The following TCERG1L variants were observed in gnomAD, a reference collection of about 807,000 sequenced individuals.
TCERG1L encodes the protein transcription elongation regulator 1 like.
In TCERG1L, 37 loss-of-function variants were observed where a neutral mutation model predicts 56.3. The observed-to-expected ratio is 0.66, with a 90% CI of 0.51 to 0.87. TCERG1L has a LOEUF of 0.87. Ranked by LOEUF, TCERG1L falls within the 40% of genes least tolerant of loss-of-function variation. The pLI is 0.00. For missense variants in TCERG1L, 799 were observed against 774.2 expected (o/e 1.03, Z -0.38); for synonymous variants, 324 against 326.3 (o/e 0.99, Z 0.08).
At chr10:131,106,276 G>A (rs760910215) in intron 9 of TCERG1L, among the ~76,000 whole-genome samples, 12 of 152,328 alleles carry the variant, frequency 7.9e-5, no homozygotes, top group South Asian at 2.1e-4. Context: ...AGGTAGTGCC[G>A]GTCTAGGAGC....
intron 3 of TCERG1L, among the ~76,000 whole-genome samples, chr10:131,290,353 C>A (rs559631682): frequency 6.6e-6 from 1 of 152,104 alleles, no homozygotes; most frequent in Admixed American, 6.5e-5. Context: ...AACATTAGGC[C>A]GGGCATGGTG....
At chr10:131,288,975 T>G (rs893790024) in intron 3 of TCERG1L, among the ~76,000 whole-genome samples, 9 of 152,246 alleles carry the variant, frequency 5.9e-5, no homozygotes, top group African/African-American at 2.2e-4. Flanking sequence ...TGTGGAATGT[T>G]GTTACCGCAG....
At chr10:131,153,142 A>G (rs1386697076) in intron 6 of TCERG1L, among the ~76,000 whole-genome samples, 2 of 152,148 alleles carry the variant, frequency 1.3e-5, no homozygotes, top group African/African-American at 2.4e-5. Context: ...CAGAGTTGAG[A>G]GTCCCACAGA....
chr10:131,121,142 C>T (rs531344931), intron 8 of TCERG1L, among the ~76,000 whole-genome samples: 6 of 152,148 alleles, frequency 3.9e-5, no homozygotes, highest in Non-Finnish European at 8.8e-5. Flanking sequence ...CAAGACAGAA[C>T]ATGAGCAGGG....
chr10:131,260,524 A>G lies in TCERG1L; in HGVS notation c.671-80T>C. The stretch of plus-strand genomic sequence containing the variant: ...CAGATGCCCATCTCGCTACCGCAAG[A>G]TATCAGCCCCCAGAAAACAGGTGAG... On this transcript the variant is annotated intron_variant, in intron 3 of 11. Transcript: ENST00000368642. This position sits in a 1 kb window ranked among gnomAD's most constrained non-coding sequence, Gnocchi z 5.8. The G allele has an allele frequency of 3.1e-6, 4 of 1,308,958 alleles. No individual in the cohort carries two copies. Among genetic ancestry groups the G allele is most frequent in the Middle Eastern group, 2.6e-4 (1 of 3,800 alleles). The allele number at this position is 1,308,958 out of a possible 1,614,324, so 81.1% of individuals were successfully genotyped here. A position where few individuals can be genotyped will look rare whatever the true frequency, so the allele number is the denominator to read the frequency against.
intron 3 of TCERG1L, among the ~76,000 whole-genome samples, chr10:131,283,838 T>A (rs1846490788): frequency 6.6e-6 from 1 of 151,792 alleles, no homozygotes; most frequent in Non-Finnish European, 1.5e-5. Flanking sequence ...AGATAAACAG[T>A]ATAAAAGAAA....
At chr10:131,236,833 C>T (rs950770574) in intron 4 of TCERG1L, among the ~76,000 whole-genome samples, 1 of 152,100 alleles carries the variant, frequency 6.6e-6, no homozygotes, top group African/African-American at 2.4e-5. Flanking sequence ...ATCCAGCCTT[C>T]ATCTAGTCTA....
chr10:131,154,944 A>G (rs1845903920), intron 6 of TCERG1L, among the ~76,000 whole-genome samples: 2 of 152,116 alleles, frequency 1.3e-5, no homozygotes, highest in Non-Finnish European at 2.9e-5. Flanking sequence ...TCATAAATCG[A>G]TAGGGCTAGT....
At chr10:131,108,836 G>T (rs11017725) in intron 9 of TCERG1L, among the ~76,000 whole-genome samples, 1 of 152,108 alleles carries the variant, frequency 6.6e-6, no homozygotes, top group Non-Finnish European at 1.5e-5. Context: ...GTGGTTGCAG[G>T]GCTGAAGTTT....
At chr10:131,297,403 AAAAAAAT>A (rs1387067072) in intron 3 of TCERG1L, among the ~76,000 whole-genome samples, 2 of 152,182 alleles carry the variant, frequency 1.3e-5, no homozygotes, top group East Asian at 1.9e-4. Flanking sequence ...ATTGGATTTC[AAAAAAAT>A]AAAAAATAAA....
At chr10:131,217,883 G>A (rs1321977511) in intron 4 of TCERG1L, among the ~76,000 whole-genome samples, 4 of 152,042 alleles carry the variant, frequency 2.6e-5, no homozygotes, top group South Asian at 2.1e-4. Flanking sequence ...CACCACGCCC[G>A]GCTAATTTTT....
intron 8 of TCERG1L, among the ~76,000 whole-genome samples, chr10:131,129,962 C>T (rs1270482299): frequency 6.6e-6 from 1 of 152,074 alleles, no homozygotes; most frequent in East Asian, 1.9e-4. Flanking sequence ...AGAACTCATG[C>T]ACTATCATGA....
At chr10:131,152,425 C>G (rs1233289548) in intron 6 of TCERG1L, among the ~76,000 whole-genome samples, 2 of 152,194 alleles carry the variant, frequency 1.3e-5, no homozygotes, top group African/African-American at 4.8e-5. Context: ...CATCTGAGAC[C>G]ACCTCAGCCT....
intron 3 of TCERG1L, among the ~76,000 whole-genome samples, chr10:131,262,592 T>C (rs1016342691): frequency 4.6e-5 from 7 of 152,198 alleles, no homozygotes; most frequent in Admixed American, 2.0e-4. Context: ...CCCCTCATTG[T>C]GAATATTTGG....
At chr10:131,164,741 C>G (rs1359684185) in intron 5 of TCERG1L, among the ~76,000 whole-genome samples, 1 of 152,160 alleles carries the variant, frequency 6.6e-6, no homozygotes, top group Non-Finnish European at 1.5e-5. Flanking sequence ...TGAAAGTCAT[C>G]CTAAAATTTT....
At chr10:131,094,133 C>T (rs552230075) in intron 11 of TCERG1L, among the ~76,000 whole-genome samples, 28 of 152,352 alleles carry the variant, frequency 1.8e-4, no homozygotes, top group Admixed American at 1.0e-3. Context: ...AACTGACCTT[C>T]GCAGGCACCG....
intron 4 of TCERG1L, among the ~76,000 whole-genome samples, chr10:131,255,376 A>G (rs1261475103): frequency 6.6e-6 from 1 of 152,246 alleles, no homozygotes; most frequent in African/African-American, 2.4e-5. Context: ...ACAAAAACTA[A>G]AGTATGCAAC....
chr10:131,232,360 G>T (rs987306939), intron 4 of TCERG1L, among the ~76,000 whole-genome samples: 20 of 152,218 alleles, frequency 1.3e-4, no homozygotes, highest in Non-Finnish European at 2.4e-4. Flanking sequence ...GCACACGCCG[G>T]GGCACTCCCT....
intron 3 of TCERG1L, among the ~76,000 whole-genome samples, chr10:131,280,343 T>C (rs1564832474): frequency 2.7e-5 from 4 of 150,886 alleles, no homozygotes. Flanking sequence ...ACTTTTCCCT[T>C]TAGCTTGGTA....
Sources: gnomAD v4.1 joint callset for allele counts (sites outside exome capture counted in the v4.1 genomes callset) on GRCh38, gnomAD v4.1.1 for gene constraint, Gnocchi (gnomAD v3.1) non-coding constraint, MANE v1.5 for transcripts, NCBI Gene and HGNC (gene_info 2026-07-23, HGNC 2026-07-21) for gene names.